The following AK7 variants were observed in gnomAD, a reference collection of about 807,000 sequenced individuals.
AK7 encodes the protein ATP-AMP transphosphorylase 7.
In AK7, 78 loss-of-function variants were observed where a neutral mutation model predicts 96.6. That is an observed-to-expected ratio of 0.81 (90% CI 0.67 to 0.97). The LOEUF (loss-of-function observed/expected upper bound fraction) is 0.97. AK7 is among the 50% of genes least tolerant of loss of function. AK7 has a pLI of 0.00. For synonymous variants in AK7, 302 were observed against 317.2 expected, an observed-to-expected ratio of 0.95 and a Z score of 0.51; for missense variants, 855 against 887.9, an observed-to-expected ratio of 0.96 and a Z score of 0.47.
chr14:96,468,589 G>GCCCGGCCTGCACTCTT (rs1335606798), intron 12 of AK7, among the ~76,000 whole-genome samples: 2 of 151,804 alleles, frequency 1.3e-5, no homozygotes, highest in African/African-American at 4.8e-5. Context: ...GAGCCACCAC[G>GCCCGGCCTGCACTCTT]CCCGGCCTGC....
intron 1 of AK7, among the ~76,000 whole-genome samples, chr14:96,392,818 G>A (rs1451814610): frequency 6.6e-6 from 1 of 151,734 alleles, no homozygotes; most frequent in Non-Finnish European, 1.5e-5. Flanking sequence ...GCCCGACACC[G>A]CGCCCGGCTA....
intron 2 of AK7, among the ~76,000 whole-genome samples, chr14:96,400,690 C>T (rs573083918): frequency 1.3e-5 from 2 of 152,310 alleles, no homozygotes; most frequent in South Asian, 2.1e-4. Context: ...AGAGAAAGGA[C>T]GATGGACATT....
intron 4 of AK7, among the ~76,000 whole-genome samples, chr14:96,413,249 C>A (rs921233905): frequency 2.0e-5 from 3 of 152,294 alleles, no homozygotes; most frequent in African/African-American, 7.2e-5. Flanking sequence ...GCGAGCATCG[C>A]AAAAGTGATT....
chr14:96,457,997 T>C, intron 11 of AK7, 86 bp from the exon 12 acceptor site: 1 of 1,557,822 alleles, frequency 6.4e-7, no homozygotes, highest in South Asian at 1.2e-5. Context: ...GATCCCAAGC[T>C]TTTTCCAGGA....
intron 12 of AK7, among the ~76,000 whole-genome samples, chr14:96,461,474 G>A (rs559280658): frequency 6.6e-6 from 1 of 152,282 alleles, no homozygotes; most frequent in Admixed American, 6.5e-5. Context: ...TTACAGCTGG[G>A]GTGTAAGGCT....
At chr14:96,456,260 AAGCACT>A in intron 10 of AK7, 81 bp from the exon 11 acceptor site, 52 of 807,786 alleles carry the variant, frequency 6.4e-5, no homozygotes, top group Non-Finnish European at 7.9e-5. Context: ...AAAAAAAAAA[AAGCACT>A]CCCCTGAAAT....
chr14:96,463,613 G>C (rs900706154), intron 12 of AK7, among the ~76,000 whole-genome samples: 24 of 151,256 alleles, frequency 1.6e-4, no homozygotes, highest in African/African-American at 5.4e-4. Context: ...CCAGCTACTC[G>C]GGAGGCTGAG....
chr14:96,465,170 C>T (rs988100749), intron 12 of AK7, among the ~76,000 whole-genome samples: 1 of 152,108 alleles, frequency 6.6e-6, no homozygotes, highest in African/African-American at 2.4e-5. Context: ...TATTAAAGAC[C>T]TAAAAATAAG....
chr14:96,416,328 A>T (rs1444261144), intron 4 of AK7, among the ~76,000 whole-genome samples: 1 of 151,858 alleles, frequency 6.6e-6, no homozygotes, highest in Non-Finnish European at 1.5e-5. Flanking sequence ...CAGAGGTTGC[A>T]GTGAGCCAGG....
Position 96,420,816 on chromosome 14 carries a change from T to C in AK7, c.499-6T>C, listed in dbSNP as rs1891639118. 9 of 1,596,518 alleles carry C rather than the reference T, an allele frequency of 5.6e-6. No homozygotes were observed. The highest frequency in any genetic ancestry group is 1.1e-5 in the South Asian group (1 of 90,256). On this transcript the variant is annotated splice_polypyrimidine_tract_variant and splice_region_variant and intron_variant, in intron 4 of 17. Coordinates refer to ENST00000267584, the MANE Select transcript of AK7 (RefSeq NM_152327.5). ...GTCTGTACCTTTTCTTTCTTTCTTA[T>C]AATAGGAGGATTCTGAGGTTCCATT...
At chr14:96,468,104 G>C (rs981023238) in intron 12 of AK7, among the ~76,000 whole-genome samples, 1 of 149,954 alleles carries the variant, frequency 6.7e-6, no homozygotes, top group African/African-American at 2.4e-5. Context: ...AAATTAGCTG[G>C]GTATGGTGGT....
At chr14:96,420,210 G>A (rs1004280350) in intron 4 of AK7, among the ~76,000 whole-genome samples, 1 of 151,474 alleles carries the variant, frequency 6.6e-6, no homozygotes, top group Non-Finnish European at 1.5e-5. Flanking sequence ...TCAAATAAGT[G>A]GTATGGTTGG....
intron 2 of AK7, among the ~76,000 whole-genome samples, chr14:96,402,562 T>C (rs1277616986): frequency 1.3e-5 from 2 of 152,234 alleles, no homozygotes; most frequent in Non-Finnish European, 2.9e-5. Context: ...CTTTCATGTG[T>C]CATTTCTGGA....
intron 7 of AK7, among the ~76,000 whole-genome samples, chr14:96,443,062 A>G (rs74090306): frequency 0.075 from 11,471 of 152,174 alleles, 1,460 homozygotes; most frequent in African/African-American, 0.26. Context: ...GAAACTATCG[A>G]CAGAATAGCA....
chr14:96,482,054 C>A (rs1043216235), intron 15 of AK7, among the ~76,000 whole-genome samples: 5 of 152,134 alleles, frequency 3.3e-5, no homozygotes, highest in African/African-American at 1.2e-4. Context: ...GGCTCTGCTC[C>A]TCCCCTCTTC....
chr14:96,487,392 A>G (rs1895833991), intron 17 of AK7, among the ~76,000 whole-genome samples: 2 of 145,696 alleles, frequency 1.4e-5, no homozygotes, highest in Non-Finnish European at 3.0e-5. Flanking sequence ...TCAAAAAAAA[A>G]AAAAAAAAGA....
At chr14:96,466,675 G>A (rs1296395198) in intron 12 of AK7, among the ~76,000 whole-genome samples, 2 of 152,088 alleles carry the variant, frequency 1.3e-5, no homozygotes, top group Non-Finnish European at 2.9e-5. Context: ...CCCGTTCCTG[G>A]AGTGATATTA....
chr14:96,408,741 A>G, intron 3 of AK7, 106 bp from the exon 4 acceptor site: 1 of 925,958 alleles, frequency 1.1e-6, no homozygotes, highest in Non-Finnish European at 1.7e-6. Context: ...CAGAGGTAAC[A>G]GCACCCTGGT....
At position 96,470,851 on chromosome 14, in the gene AK7, C is replaced by G. The variant is rs182271326; in HGVS notation, c.1358-627C>G. ...CAGAGGTGTAATATCAAAACAGAAA[C>G]CCTGCGGGCGGGCGGAGCTCTCTGC... On this transcript the variant is annotated intron_variant, in intron 12 of 17. Transcript: ENST00000267584. Among the ~76,000 whole-genome samples, 5 of 152,216 alleles carry G rather than the reference C, an allele frequency of 3.3e-5. No homozygotes were observed. In the East Asian group the frequency reaches 9.6e-4, roughly 29 times the overall value.
Sources: allele counts gnomAD v4.1 joint callset (sites outside exome capture counted in the v4.1 genomes callset), GRCh38; gene constraint gnomAD v4.1.1; transcripts MANE v1.5; gene names NCBI Gene and HGNC (gene_info 2026-07-23, HGNC 2026-07-21).